WDR89: variants seen among roughly 807,000 people sequenced by gnomAD.
WDR89 encodes the protein WD repeat-containing protein 89.
A neutral mutation model predicts 29.1 loss-of-function variants in WDR89; 17 were observed. The observed-to-expected ratio is 0.58, with a 90% CI of 0.40 to 0.88. The LOEUF (loss-of-function observed/expected upper bound fraction) is 0.88. Ranked by LOEUF, WDR89 falls within the 40% of genes least tolerant of loss-of-function variation. The pLI, the probability that WDR89 is intolerant of heterozygous loss-of-function variation, is 0.00. For missense variants in WDR89, 396 were observed against 456.3 expected, an observed-to-expected ratio of 0.87 and a Z score of 1.20; for synonymous variants, 138 against 157.8, an observed-to-expected ratio of 0.87 and a Z score of 0.94.
chr14:63,603,341 C>G (rs1791106765), intron 2 of WDR89, among the ~76,000 whole-genome samples: 1 of 152,146 alleles, frequency 6.6e-6, no homozygotes, highest in African/African-American at 2.4e-5. Context: ...GACAAAGTAT[C>G]ACTCCATTCC....
chr14:63,633,296 C>T (rs1434264100), intron 1 of WDR89, among the ~76,000 whole-genome samples: 1 of 151,840 alleles, frequency 6.6e-6, no homozygotes, highest in Non-Finnish European at 1.5e-5. Flanking sequence ...GGTGAATTCA[C>T]AATACAAATG....
chr14:63,634,806 GT>G (rs1883624181), intron 1 of WDR89, among the ~76,000 whole-genome samples: 1 of 150,788 alleles, frequency 6.6e-6, no homozygotes, highest in Admixed American at 6.6e-5. Flanking sequence ...GGAGGCGGAG[GT>G]TGCGGTGAGC....
intron 2 of WDR89, among the ~76,000 whole-genome samples, chr14:63,600,953 G>A (rs551782283): frequency 2.0e-5 from 3 of 152,118 alleles, no homozygotes; most frequent in Admixed American, 6.6e-5. Context: ...AAGTGGAAGA[G>A]GGAGGCAGAA....
chr14:63,619,915 G>C (rs1449467890), intron 2 of WDR89, among the ~76,000 whole-genome samples: 1 of 143,818 alleles, frequency 7.0e-6, no homozygotes, highest in Non-Finnish European at 1.5e-5. Context: ...TGAGGCAGGA[G>C]AATCACTTGA....
chr14:63,631,502 A>T (rs544661763), intron 1 of WDR89, among the ~76,000 whole-genome samples: 2 of 152,130 alleles, frequency 1.3e-5, no homozygotes, highest in Admixed American at 6.5e-5. Flanking sequence ...AGTAGCTGAA[A>T]ATACAGGTGC....
At chr14:63,628,988 T>C (rs975045502) in intron 1 of WDR89, among the ~76,000 whole-genome samples, 2 of 152,150 alleles carry the variant, frequency 1.3e-5, no homozygotes, top group African/African-American at 2.4e-5. Flanking sequence ...GTAAGGACTT[T>C]ACACAAACTC....
intron 2 of WDR89, among the ~76,000 whole-genome samples, chr14:63,607,989 C>T (rs1396238550): frequency 1.7e-4 from 25 of 151,434 alleles, no homozygotes; most frequent in Admixed American, 1.5e-3. Context: ...GGGCAGATCA[C>T]GAGGTCAGGA....
Position 63,610,702 on chromosome 14 carries a change from CT to C in WDR89, c.-31-10730del, listed in dbSNP as rs1009799974. Reference sequence around the variant, plus strand: ...GAGGAATATTCTTTTCTTTTCTTTTCTTTTTTTTTTTTTTTTTTGAGAGGGA... The same window carrying C: ...GAGGAATATTCTTTTCTTTTCTTTTCTTTTTTTTTTTTTTTTTGAGAGGGA... On this transcript the variant is annotated intron_variant, in intron 2 of 2. Coordinates refer to ENST00000620954, the MANE Select transcript of WDR89 (RefSeq NM_080666.4). Among the ~76,000 whole-genome samples the C allele has an allele frequency of 3.6e-3, 459 of 129,116 alleles. 1 individual carries two copies. The highest frequency in any genetic ancestry group is 0.017 in the Middle Eastern group (4 of 238). The allele number at this position is 129,116 out of a possible 152,430, so 84.7% of individuals were successfully genotyped here.
intron 1 of WDR89, among the ~76,000 whole-genome samples, chr14:63,637,624 T>C (rs1452003983): frequency 6.6e-6 from 1 of 151,906 alleles, no homozygotes; most frequent in East Asian, 1.9e-4. Flanking sequence ...TACACAGCCA[T>C]AAAAAGAAAT....
intron 1 of WDR89, among the ~76,000 whole-genome samples, chr14:63,632,077 A>G (rs1055262924): frequency 7.2e-5 from 11 of 151,858 alleles, no homozygotes; most frequent in African/African-American, 2.4e-4. Context: ...GCACCACTGC[A>G]CTCCAGCCTG....
intron 1 of WDR89, among the ~76,000 whole-genome samples, chr14:63,638,679 A>G (rs908420584): frequency 1.3e-5 from 2 of 152,240 alleles, no homozygotes; most frequent in African/African-American, 2.4e-5. Context: ...ATTCCAGTGG[A>G]AAAATTGGCG....
At chr14:63,613,423 G>A (rs1427833830) in intron 2 of WDR89, among the ~76,000 whole-genome samples, 1 of 151,550 alleles carries the variant, frequency 6.6e-6, no homozygotes, top group Non-Finnish European at 1.5e-5. Context: ...AGAAGCTCTT[G>A]TATTAAAATA....
intron 1 of WDR89, among the ~76,000 whole-genome samples, chr14:63,634,774 G>T (rs1430559613): frequency 6.6e-6 from 1 of 151,724 alleles, no homozygotes; most frequent in African/African-American, 2.4e-5. Flanking sequence ...GAAGGCTGAG[G>T]CAGGAGAATC....
intron 1 of WDR89, among the ~76,000 whole-genome samples, chr14:63,631,839 C>T (rs906687603): frequency 7.9e-5 from 12 of 152,114 alleles, no homozygotes; most frequent in African/African-American, 2.4e-4. Context: ...AGGCCAGGTG[C>T]GGTGGTTCAC....
chr14:63,626,916 T>C (rs1280896620), intron 1 of WDR89, among the ~76,000 whole-genome samples: 3 of 151,738 alleles, frequency 2.0e-5, no homozygotes, highest in African/African-American at 7.3e-5. Context: ...ACCAGGAGTC[T>C]GAGACCAGCC....
intron 2 of WDR89, among the ~76,000 whole-genome samples, chr14:63,600,717 C>CA (rs56059698): frequency 0.014 from 489 of 36,206 alleles, 79 homozygotes; most frequent in Non-Finnish European, 0.021. Context: ...GATATGTAGG[C>CA]AAAAAAAAAA....
chr14:63,624,412 A>G (rs1347717844), intron 2 of WDR89, among the ~76,000 whole-genome samples: 1 of 151,064 alleles, frequency 6.6e-6, no homozygotes, highest in African/African-American at 2.4e-5. Context: ...GCTTGTAGTG[A>G]GCCGAGATTG....
intron 2 of WDR89, among the ~76,000 whole-genome samples, chr14:63,613,690 T>C (rs1302128816): frequency 6.6e-6 from 1 of 151,818 alleles, no homozygotes; most frequent in African/African-American, 2.4e-5. Context: ...TTAGTAGAGA[T>C]GGGGTTTCAA....
At chr14:63,616,508 T>A (rs148121688) in intron 2 of WDR89, among the ~76,000 whole-genome samples, 1 of 152,166 alleles carries the variant, frequency 6.6e-6, no homozygotes, top group South Asian at 2.1e-4. Context: ...CCATTTCTAT[T>A]CAATCATTAA....
Sources: allele counts gnomAD v4.1 joint callset (sites outside exome capture counted in the v4.1 genomes callset), GRCh38; gene constraint gnomAD v4.1.1; transcripts MANE v1.5; gene names NCBI Gene and HGNC (gene_info 2026-07-23, HGNC 2026-07-21).